The following IGF1 variants were observed in gnomAD, a reference collection of about 807,000 sequenced individuals.
IGF1 encodes insulin-like growth factor 1.
Under a neutral mutation model 13.8 loss-of-function variants are expected in IGF1, and 4 were observed. That is an observed-to-expected ratio of 0.29 (90% CI 0.14 to 0.66). The LOEUF is 0.66. Ranked by LOEUF, IGF1 falls within the 30% of genes least tolerant of loss-of-function variation. The pLI is 0.78. For synonymous variants in IGF1, 76 were observed against 72.6 expected (o/e 1.05, Z -0.23); for missense variants, 124 against 188.5 (o/e 0.66, Z 2.00).
At chr12:102,418,294 C>A (rs941955210) in intron 3 of IGF1, among the ~76,000 whole-genome samples, 4 of 152,238 alleles carry the variant, frequency 2.6e-5, no homozygotes, top group African/African-American at 9.6e-5. Context: ...ACCTAAAAGT[C>A]TTTTCTGAGA....
chr12:102,416,258 C>A (rs1875130411), intron 3 of IGF1, among the ~76,000 whole-genome samples: 1 of 152,218 alleles, frequency 6.6e-6, no homozygotes, highest in South Asian at 2.1e-4. Flanking sequence ...CCGTCTTGTA[C>A]CCTTTCTCAG....
chr12:102,452,450 A>G (rs1159644351), intron 2 of IGF1, among the ~76,000 whole-genome samples: 1 of 152,126 alleles, frequency 6.6e-6, no homozygotes, highest in African/African-American at 2.4e-5. Context: ...TATCCCTAGC[A>G]TCTGTTATAG....
At chr12:102,448,102 C>G (rs1428511195) in intron 2 of IGF1, among the ~76,000 whole-genome samples, 4 of 18,964 alleles carry the variant, frequency 2.1e-4, no homozygotes, top group African/African-American at 6.6e-4. Context: ...GGACTGTAAA[C>G]TAGTCAACCA....
chr12:102,436,945 C>G (rs1467695135), intron 2 of IGF1, among the ~76,000 whole-genome samples: 1 of 152,202 alleles, frequency 6.6e-6, no homozygotes, highest in Non-Finnish European at 1.5e-5. Context: ...ATTGGGAGCA[C>G]TGGGAGGGAA....
chr12:102,449,449 C>T (rs929674634), intron 2 of IGF1, among the ~76,000 whole-genome samples: 2 of 151,818 alleles, frequency 1.3e-5, no homozygotes, highest in Admixed American at 6.6e-5. Flanking sequence ...ATGTAGGTGA[C>T]GGCTTGATGG....
At chr12:102,480,062 C>T (rs550980294) in intron 1 of IGF1, among the ~76,000 whole-genome samples, 5 of 152,238 alleles carry the variant, frequency 3.3e-5, no homozygotes, top group East Asian at 3.9e-4. Context: ...AATGACACCA[C>T]GGAAGCCCTG....
At chr12:102,470,837 G>T (rs890532076) in intron 2 of IGF1, among the ~76,000 whole-genome samples, 1 of 152,182 alleles carries the variant, frequency 6.6e-6, no homozygotes, top group African/African-American at 2.4e-5. Flanking sequence ...GAGGCTTTTG[G>T]TGAAGGTTTA....
Position 102,479,160 on chromosome 12 carries a change from G to A in IGF1, c.63+1159C>T, listed in dbSNP as rs111574183. On this transcript the variant is annotated intron_variant, in intron 1 of 3. Coordinates refer to ENST00000337514, the MANE Select transcript of IGF1 (RefSeq NM_000618.5). The stretch of plus-strand genomic sequence containing the variant: ...TCACATAGTATGTATGCACAGTGAC[G>A]TCATTTCTTTGAAAGCAAGGTGGCC... Among the ~76,000 whole-genome samples, 173 of 152,300 alleles carry A rather than the reference G, an allele frequency of 1.1e-3. 1 individual carries two copies. Among genetic ancestry groups the A allele is most frequent in the African/African-American group, 4.0e-3 (168 of 41,572 alleles).
chr12:102,458,487 C>T (rs954460045), intron 2 of IGF1, among the ~76,000 whole-genome samples: 14 of 151,986 alleles, frequency 9.2e-5, no homozygotes, highest in African/African-American at 3.4e-4. Context: ...TTGAAAATAC[C>T]GAAAAGTCCA....
intron 2 of IGF1, among the ~76,000 whole-genome samples, chr12:102,423,697 C>G (rs1187021107): frequency 6.6e-6 from 1 of 152,124 alleles, no homozygotes; most frequent in African/African-American, 2.4e-5. Flanking sequence ...GGGAGTAATT[C>G]AATAATCTTC....
chr12:102,447,514 T>C (rs1456875722), intron 2 of IGF1, among the ~76,000 whole-genome samples: 1 of 152,244 alleles, frequency 6.6e-6, no homozygotes, highest in Non-Finnish European at 1.5e-5. Context: ...TGGTTTAAAG[T>C]CTGTTTTATC....
At chr12:102,459,627 C>A (rs1408158466) in intron 2 of IGF1, among the ~76,000 whole-genome samples, 1 of 152,040 alleles carries the variant, frequency 6.6e-6, no homozygotes, top group Non-Finnish European at 1.5e-5. Context: ...TGGCTGGGAA[C>A]CTGGCCTTTC....
At chr12:102,456,217 A>T (rs1879382429) in intron 2 of IGF1, among the ~76,000 whole-genome samples, 1 of 132,684 alleles carries the variant, frequency 7.5e-6, no homozygotes, top group African/African-American at 3.0e-5. Flanking sequence ...TTCCATTTAA[A>T]AAAGGTGTGT....
intron 2 of IGF1, among the ~76,000 whole-genome samples, chr12:102,433,576 T>C (rs1405661628): frequency 6.6e-6 from 1 of 151,964 alleles, no homozygotes; most frequent in African/African-American, 2.4e-5. Context: ...TATATTAGCC[T>C]TTTTTTTCTG....
chr12:102,431,239 A>G (rs1876713822), intron 2 of IGF1, among the ~76,000 whole-genome samples: 2 of 152,236 alleles, frequency 1.3e-5, no homozygotes, highest in Admixed American at 1.3e-4. Flanking sequence ...AAACACTTCC[A>G]TGGAAGCGTG....
chr12:102,416,586 G>A (rs1262828678), intron 3 of IGF1, among the ~76,000 whole-genome samples: 1 of 152,174 alleles, frequency 6.6e-6, no homozygotes, highest in South Asian at 2.1e-4. Flanking sequence ...GGATCTCAGT[G>A]TCCTAGTCTT....
chr12:102,476,540 T>C (rs1313635307), intron 1 of IGF1, among the ~76,000 whole-genome samples: 1 of 151,426 alleles, frequency 6.6e-6, no homozygotes, highest in East Asian at 1.9e-4. Context: ...AAGAATGAAA[T>C]TGGCTCAAAT....
At chr12:102,420,772 C>T (rs566543975) in intron 2 of IGF1, among the ~76,000 whole-genome samples, 5 of 152,298 alleles carry the variant, frequency 3.3e-5, no homozygotes, top group Non-Finnish European at 7.3e-5. Context: ...TTCTCTTCTC[C>T]TCCCTTATCT....
chr12:102,441,958 T>TCTCCTTCTCCTTC, intron 2 of IGF1, among the ~76,000 whole-genome samples: 1 of 41,162 alleles, frequency 2.4e-5, no homozygotes, highest in Admixed American at 4.0e-4. Context: ...TCTTCTTCTT[T>TCTCCTTCTCCTTC]TTTTTTTTTG....
Sources: gnomAD v4.1 joint callset for allele counts (sites outside exome capture counted in the v4.1 genomes callset) on GRCh38, gnomAD v4.1.1 for gene constraint, MANE v1.5 for transcripts, NCBI Gene and HGNC (gene_info 2026-07-23, HGNC 2026-07-21) for gene names.